PPP4R2: variants seen among roughly 807,000 people sequenced by gnomAD.
PPP4R2 encodes protein phosphatase 4 regulatory subunit 2, also known as serine/threonine-protein phosphatase 4 regulatory subunit 2.
A neutral mutation model predicts 47.2 loss-of-function variants in PPP4R2; 13 were observed. The observed-to-expected ratio is 0.28, with a 90% confidence interval of 0.18 to 0.44. PPP4R2 has a LOEUF of 0.44. Ranked by LOEUF, PPP4R2 falls within the 20% of genes least tolerant of loss-of-function variation. The pLI, the probability that PPP4R2 is intolerant of heterozygous loss-of-function variation, is 1.00. For synonymous variants in PPP4R2, 151 were observed against 163.3 expected, an observed-to-expected ratio of 0.92 and a Z score of 0.57; for missense variants, 421 against 491.2, an observed-to-expected ratio of 0.86 and a Z score of 1.35.
intron 7 of PPP4R2, 46 bp from the exon 8 acceptor site, chr3:73,064,806 T>G: frequency 6.8e-7 from 1 of 1,476,878 alleles, no homozygotes; most frequent in Non-Finnish European, 9.1e-7. Flanking sequence ...ATGTAGAAGA[T>G]GGGGAAAATA....
At chr3:73,009,557 AC>A (rs1701680888) in intron 2 of PPP4R2, among the ~76,000 whole-genome samples, 1 of 152,222 alleles carries the variant, frequency 6.6e-6, no homozygotes, top group African/African-American at 2.4e-5. Context: ...ACTGTATATG[AC>A]ATTACTGGAT....
At chr3:73,033,204 C>T (rs1702202565) in intron 2 of PPP4R2, among the ~76,000 whole-genome samples, 1 of 152,128 alleles carries the variant, frequency 6.6e-6, no homozygotes, top group South Asian at 2.1e-4. Context: ...GTTTATTCTA[C>T]CTACTTATTT....
At chr3:73,008,752 T>C (rs1190097376) in intron 2 of PPP4R2, among the ~76,000 whole-genome samples, 1 of 152,184 alleles carries the variant, frequency 6.6e-6, no homozygotes, top group Non-Finnish European at 1.5e-5. Context: ...CAGTAAAAAT[T>C]ATCTGTATGC....
At chr3:73,047,631 T>A (rs1702511515) in intron 3 of PPP4R2, among the ~76,000 whole-genome samples, 1 of 152,222 alleles carries the variant, frequency 6.6e-6, no homozygotes. Context: ...TTATATTTGG[T>A]GTTATGTCTT....
In PPP4R2 at chr3:73,068,872, A is replaced by G. The variant is rs1703054383; in HGVS notation, c.*3150A>G. 1 of 152,188 alleles carries G rather than the reference A, an allele frequency of 6.6e-6. No homozygotes were observed. The highest frequency in any genetic ancestry group is 6.5e-5 in the Admixed American group (1 of 15,278). The allele number at this position is 152,188 out of a possible 1,614,324, so 9.4% of individuals were successfully genotyped here. ...CAACTTACAAAACCAAAGGAATTAAAAATTTTCGGTAGTGTTTCAAATTGT... is the reference window on the plus strand; with the variant it reads ...CAACTTACAAAACCAAAGGAATTAAGAATTTTCGGTAGTGTTTCAAATTGT... On this transcript the variant is annotated 3_prime_UTR_variant, in exon 9 of 9. Transcript: ENST00000356692.
chr3:73,012,538 T>C (rs1464555679), intron 2 of PPP4R2, among the ~76,000 whole-genome samples: 2 of 152,186 alleles, frequency 1.3e-5, no homozygotes, highest in Non-Finnish European at 2.9e-5. Flanking sequence ...CCTGACCTCA[T>C]GATCCACCCA....
chr3:73,016,729 G>GTTTCTTTTTT (rs752008242), intron 2 of PPP4R2, among the ~76,000 whole-genome samples: 1 of 69,880 alleles, frequency 1.4e-5, no homozygotes, highest in East Asian at 3.3e-4. Flanking sequence ...TTGGTTCATT[G>GTTTCTTTTTT]TTTATTTTTA....
chr3:73,031,978 G>C (rs542757608), intron 2 of PPP4R2, among the ~76,000 whole-genome samples: 29 of 152,350 alleles, frequency 1.9e-4, no homozygotes, highest in African/African-American at 5.3e-4. Context: ...CTGTTTCACA[G>C]ATGGGGGAAA....
intron 2 of PPP4R2, among the ~76,000 whole-genome samples, chr3:72,999,449 CTT>C (rs1701416264): frequency 6.6e-6 from 1 of 152,236 alleles, no homozygotes. Flanking sequence ...TCGGCACAGA[CTT>C]AGCCCTGTCA....
rs535217234 is a variant in PPP4R2 at position 73,001,503 on chromosome 3, G to A, written c.116+3345G>A. On this transcript the variant is annotated intron_variant, in intron 2 of 8. Transcript: ENST00000356692. Reference sequence around the variant, plus strand: ...GTAGGAGGATCACCTGAGCCTGGGAGGTTGAGGCTGCAGTGAGCCGTGATT... The same window carrying A: ...GTAGGAGGATCACCTGAGCCTGGGAAGTTGAGGCTGCAGTGAGCCGTGATT... Among the ~76,000 whole-genome samples, 10 of 152,332 alleles carry A rather than the reference G, an allele frequency of 6.6e-5. No homozygotes were observed. In the South Asian group the frequency reaches 1.5e-3, roughly 22 times the overall value.
chr3:73,026,362 T>G (rs1024450347), intron 2 of PPP4R2, among the ~76,000 whole-genome samples: 2 of 152,200 alleles, frequency 1.3e-5, no homozygotes, highest in Non-Finnish European at 2.9e-5. Context: ...TGTGTTGCTC[T>G]TGACTTTGTG....
chr3:73,003,367 A>G (rs1372634823), intron 2 of PPP4R2, among the ~76,000 whole-genome samples: 1 of 151,690 alleles, frequency 6.6e-6, no homozygotes, highest in Non-Finnish European at 1.5e-5. Context: ...ACGTGCCACC[A>G]TTGCCTGGCT....
At chr3:73,060,980 A>T (rs1702846161) in intron 4 of PPP4R2, 43 bp from the exon 5 acceptor site, 1 of 1,391,020 alleles carries the variant, frequency 7.2e-7, no homozygotes. Flanking sequence ...TTTATGTTGT[A>T]GTACTTTTCT....
At position 73,061,920 on chromosome 3, in the gene PPP4R2, C is replaced by G. The variant is rs114954827; in HGVS notation, c.419+860C>G. On this transcript the variant is annotated intron_variant, in intron 5 of 8. Transcript: ENST00000356692. Reference sequence around the variant, plus strand: ...TATAGTTATGTTGCTAAATAAGATACTAAAATAATCCCATACTATATTTCT... The same window carrying G: ...TATAGTTATGTTGCTAAATAAGATAGTAAAATAATCCCATACTATATTTCT... 4.4e-3 allele frequency: 2,557 copies of G among 587,490 alleles called. 13 individuals carry two copies. The highest frequency in any genetic ancestry group is 0.015 in the Middle Eastern group (35 of 2,328). The allele number at this position is 587,490 out of a possible 1,614,324, so 36.4% of individuals were successfully genotyped here. A position where few individuals can be genotyped will look rare whatever the true frequency, so the allele number is the denominator to read the frequency against.
chr3:73,032,489 A>G (rs543704904), intron 2 of PPP4R2, among the ~76,000 whole-genome samples: 13 of 151,960 alleles, frequency 8.6e-5, no homozygotes, highest in African/African-American at 2.9e-4. Flanking sequence ...GGGTTTTACC[A>G]TGTTGGCCAG....
At chr3:73,042,075 T>A (rs1239059727) in intron 2 of PPP4R2, among the ~76,000 whole-genome samples, 1 of 152,208 alleles carries the variant, frequency 6.6e-6, no homozygotes, top group Non-Finnish European at 1.5e-5. Flanking sequence ...TAATGGTGAT[T>A]AATTTCAGTA....
At position 73,035,936 on chromosome 3, in the gene PPP4R2, T is replaced by C. The variant is rs183845578; in HGVS notation, c.117-11250T>C. 4.9e-3 allele frequency among the ~76,000 whole-genome samples: 740 copies of C among 152,320 alleles called. 7 individuals are homozygous for C. The highest frequency in any genetic ancestry group is 7.5e-3 in the Non-Finnish European group (508 of 68,032). On this transcript the variant is annotated intron_variant, in intron 2 of 8. Transcript: ENST00000356692. ...CGGCCAATACCTGCACTTTAATATT[T>C]ATTGCAGCATTATTTACAGTAGCCA...
At chr3:73,005,882 C>A (rs1449644585) in intron 2 of PPP4R2, among the ~76,000 whole-genome samples, 1 of 150,340 alleles carries the variant, frequency 6.7e-6, no homozygotes, top group Non-Finnish European at 1.5e-5. Context: ...ATACAATACA[C>A]TGTATTTATT....
chr3:73,049,638 A>G (rs1702568999), intron 3 of PPP4R2, among the ~76,000 whole-genome samples: 1 of 152,052 alleles, frequency 6.6e-6, no homozygotes, highest in Non-Finnish European at 1.5e-5. Context: ...AACAGGTCAA[A>G]TTATACTGCT....
Sources: allele counts gnomAD v4.1 joint callset (sites outside exome capture counted in the v4.1 genomes callset), GRCh38; gene constraint gnomAD v4.1.1; transcripts MANE v1.5; gene names NCBI Gene and HGNC (gene_info 2026-07-23, HGNC 2026-07-21).